The following SLC1A1 variants were observed in gnomAD, a reference collection of about 807,000 sequenced individuals.
The protein encoded by SLC1A1 is excitatory amino acid transporter 3.
In SLC1A1, 43 loss-of-function variants were observed where a neutral mutation model predicts 53.3. That is an observed-to-expected ratio of 0.81 (90% CI 0.63 to 1.04). The LOEUF is 1.04. SLC1A1 is among the 50% of genes least tolerant of loss of function. The probability of loss-of-function intolerance (pLI) is 0.00; values close to 1 mark genes in which losing one functional copy is unlikely to be tolerated. For synonymous variants in SLC1A1, 307 were observed against 243.2 expected, an observed-to-expected ratio of 1.26 and a Z score of -2.44; for missense variants, 748 against 664.9, an observed-to-expected ratio of 1.12 and a Z score of -1.37.
At chr9:4,545,189 G>GTCTCCCTCTCTCTCTCTCTCTC (rs1554681237) in intron 2 of SLC1A1, among the ~76,000 whole-genome samples, 2 of 130,906 alleles carry the variant, frequency 1.5e-5, no homozygotes, top group Non-Finnish European at 3.2e-5. Context: ...TACATTAGAT[G>GTCTCCCTCTCTCTCTCTCTCTC]TCTCTCTCTC....
intron 6 of SLC1A1, among the ~76,000 whole-genome samples, chr9:4,571,598 A>G (rs1586831099): frequency 1.3e-5 from 2 of 151,958 alleles, no homozygotes; most frequent in Non-Finnish European, 2.9e-5. Context: ...AATTGCTTGA[A>G]CCCGGGAGGT....
At chr9:4,519,632 C>T (rs539116775) in intron 1 of SLC1A1, among the ~76,000 whole-genome samples, 1 of 152,298 alleles carries the variant, frequency 6.6e-6, no homozygotes, top group South Asian at 2.1e-4. Context: ...CCTGTGCATT[C>T]ATTATTTCAC....
chr9:4,564,949 A>C (rs924594753), intron 4 of SLC1A1, among the ~76,000 whole-genome samples: 6 of 152,234 alleles, frequency 3.9e-5, no homozygotes, highest in African/African-American at 1.2e-4. Flanking sequence ...CATAAAGCTA[A>C]GGTCTTTTCT....
chr9:4,518,234 CAAAAAAAAAAAA>C (rs34559140), intron 1 of SLC1A1, among the ~76,000 whole-genome samples: 9 of 60,446 alleles, frequency 1.5e-4, no homozygotes, highest in Admixed American at 2.5e-4. Flanking sequence ...TATTCCACCT[CAAAAAAAAAAAA>C]AAAAAAAAAA....
intron 1 of SLC1A1, among the ~76,000 whole-genome samples, chr9:4,508,695 T>C (rs955911240): frequency 6.6e-6 from 1 of 152,226 alleles, no homozygotes; most frequent in Non-Finnish European, 1.5e-5. Context: ...TTTCATGCTT[T>C]GCTCATGACA....
At position 4,583,697 on chromosome 9, in the gene SLC1A1, T is replaced by C. The variant is rs1278823201; in HGVS notation, c.1328+525T>C. Among the ~76,000 whole-genome samples, 4 of 152,156 alleles carry C rather than the reference T, an allele frequency of 2.6e-5. No individual in the cohort carries two copies. In the South Asian group the frequency reaches 8.3e-4, roughly 32 times the overall value. ...GCATAATCTGTGAGATGGGAAAAAA[T>C]CTGCCTATGTCATTGGGTTGTTTTA... On this transcript the variant is annotated intron_variant, in intron 11 of 11. Transcript: ENST00000262352. The surrounding 1 kb of genome is among the most constrained non-coding windows in gnomAD (Gnocchi z 4.6).
chr9:4,526,230 G>C (rs1349521937), intron 1 of SLC1A1, among the ~76,000 whole-genome samples: 1 of 152,078 alleles, frequency 6.6e-6, no homozygotes, highest in Non-Finnish European at 1.5e-5. Flanking sequence ...AAATTAGATG[G>C]AAAGAATTTA....
chr9:4,503,288 G>C (rs959682116), intron 1 of SLC1A1, among the ~76,000 whole-genome samples: 1 of 151,836 alleles, frequency 6.6e-6, no homozygotes, highest in Admixed American at 6.6e-5. Context: ...TGGTGCCTAA[G>C]ATGAAAAGTA....
At chr9:4,562,042 G>A (rs920810272) in intron 3 of SLC1A1, among the ~76,000 whole-genome samples, 1 of 149,066 alleles carries the variant, frequency 6.7e-6, no homozygotes, top group East Asian at 2.0e-4. Context: ...ACCGGCATGA[G>A]CCACTGTGCC....
At chr9:4,572,411 C>G (rs1185216230) in intron 7 of SLC1A1, 23 bp downstream of exon 7, 7 of 1,597,870 alleles carry the variant, frequency 4.4e-6, no homozygotes, top group East Asian at 2.2e-5. Flanking sequence ...TGTTTAATGT[C>G]ATTTTGCTTC....
chr9:4,491,392 G>A (rs958099074), intron 1 of SLC1A1, among the ~76,000 whole-genome samples: 9 of 152,238 alleles, frequency 5.9e-5, no homozygotes, highest in Non-Finnish European at 8.8e-5. Context: ...TCTGGGATGT[G>A]CCACTGTGGC....
intron 10 of SLC1A1, among the ~76,000 whole-genome samples, chr9:4,581,403 A>C (rs1326869593): frequency 6.6e-6 from 1 of 152,238 alleles, no homozygotes; most frequent in Non-Finnish European, 1.5e-5. Flanking sequence ...CTGAAGGTTC[A>C]TAGTTCTGAG....
At chr9:4,514,877 G>C (rs1224024204) in intron 1 of SLC1A1, among the ~76,000 whole-genome samples, 2 of 152,224 alleles carry the variant, frequency 1.3e-5, no homozygotes, top group East Asian at 1.9e-4. Context: ...AACCAAGACA[G>C]TGTCAGAGGC....
chr9:4,581,501 G>T (rs1586864174), intron 10 of SLC1A1, among the ~76,000 whole-genome samples: 1 of 152,306 alleles, frequency 6.6e-6, no homozygotes, highest in East Asian at 1.9e-4. Flanking sequence ...AATGAATTTT[G>T]AGTTTCAAGC....
intron 1 of SLC1A1, among the ~76,000 whole-genome samples, chr9:4,512,435 G>A (rs778589603): frequency 5.3e-5 from 8 of 152,122 alleles, no homozygotes; most frequent in Non-Finnish European, 1.0e-4. Context: ...TTGAGCCCGG[G>A]AGATTGAAGC....
intron 9 of SLC1A1, 132 bp downstream of exon 9, chr9:4,576,255 C>T (rs1269539339): frequency 4.6e-6 from 4 of 878,936 alleles, no homozygotes; most frequent in Non-Finnish European, 3.7e-6. Context: ...TATTCTCGGC[C>T]CCTGGCCCTG....
intron 1 of SLC1A1, among the ~76,000 whole-genome samples, chr9:4,498,969 G>GTATATATAATCTTATATATTATATA (rs1820538427): frequency 7.1e-6 from 1 of 139,914 alleles, no homozygotes; most frequent in Non-Finnish European, 1.5e-5. Flanking sequence ...TATTATATAT[G>GTATATATAATCTTATATATTATATA]TATATATAAT....
intron 2 of SLC1A1, among the ~76,000 whole-genome samples, chr9:4,545,953 T>A (rs375973046): frequency 1.3e-5 from 2 of 152,158 alleles, no homozygotes; most frequent in East Asian, 1.9e-4. Flanking sequence ...AGGTTTTATG[T>A]AAACATGCAA....
At chr9:4,492,527 G>A (rs1015297063) in intron 1 of SLC1A1, among the ~76,000 whole-genome samples, 17 of 151,526 alleles carry the variant, frequency 1.1e-4, no homozygotes, top group African/African-American at 3.2e-4. Context: ...GGCCAGGCAC[G>A]GTGACTCACA....
Sources: allele counts gnomAD v4.1 joint callset (sites outside exome capture counted in the v4.1 genomes callset), GRCh38; gene constraint gnomAD v4.1.1; non-coding constraint Gnocchi (gnomAD v3.1); transcripts MANE v1.5; gene names NCBI Gene and HGNC (gene_info 2026-07-23, HGNC 2026-07-21).